EBF4: variants seen among roughly 807,000 people sequenced by gnomAD.
EBF4 encodes the protein EBF transcription factor 4.
EBF4 carries 34 observed loss-of-function variants against 67.1 expected under a neutral mutation model. The ratio of observed to expected loss-of-function variants is 0.51; its 90% CI spans 0.39 to 0.67. The LOEUF (loss-of-function observed/expected upper bound fraction) is 0.67, where lower values mean the gene tolerates loss of function less well. EBF4 is among the 30% of genes least tolerant of loss of function. EBF4 has a pLI of 0.00. For missense variants in EBF4, 837 were observed against 873.3 expected (o/e 0.96, Z 0.52); for synonymous variants, 387 against 377.7 (o/e 1.02, Z -0.29).
In EBF4 at chr20:2,739,625, A is replaced by G. The variant is rs2087940030; in HGVS notation, c.558-8924A>G. Among the ~76,000 whole-genome samples the G allele has an allele frequency of 6.6e-6, 1 of 152,140 alleles. No homozygotes were observed. Among genetic ancestry groups the G allele is most frequent in the African/African-American group, 2.4e-5 (1 of 41,418 alleles). On this transcript the variant is annotated intron_variant, in intron 6 of 16. Transcript: ENST00000609451. This position sits in a 1 kb window ranked among gnomAD's most constrained non-coding sequence, Gnocchi z 4.5. The stretch of plus-strand genomic sequence containing the variant: ...GTGGGTGTATGGAATGAATGAGGGG[A>G]TGAATGGCCCAGCCCTCTGTGTCCT...
intron 5 of EBF4, among the ~76,000 whole-genome samples, chr20:2,708,409 C>T (rs2087490318): frequency 6.6e-6 from 1 of 152,248 alleles, no homozygotes; most frequent in Non-Finnish European, 1.5e-5. Context: ...GGGCAGCTCT[C>T]TGGCAGGGCA....
Position 2,693,873 on chromosome 20 carries a change from G to T in EBF4, c.137+91G>T. 1 of 1,249,598 alleles carries T rather than the reference G, an allele frequency of 8.0e-7. No homozygotes were observed. The highest frequency in any genetic ancestry group is 1.0e-6 in the Non-Finnish European group (1 of 995,308). 77.4% of individuals were successfully genotyped at this position (1,249,598 alleles called of 1,614,324 possible). The stretch of plus-strand genomic sequence containing the variant: ...GCTGGAGCTGCTGGAGCCAGGGGCG[G>T]AAGGAGCCCTAACTCTGGACGGTCC... On this transcript the variant is annotated intron_variant, in intron 1 of 16. Transcript: ENST00000609451. The surrounding 1 kb of genome is among the most constrained non-coding windows in gnomAD (Gnocchi z 4.6).
rs1374039271 is a variant in EBF4 at position 2,747,431 on chromosome 20, G to T, written c.558-1118G>T. Among the ~76,000 whole-genome samples the T allele has an allele frequency of 6.6e-6, 1 of 152,150 alleles. No homozygotes were observed. The highest frequency in any genetic ancestry group is 2.4e-5 in the African/African-American group (1 of 41,432). On this transcript the variant is annotated intron_variant, in intron 6 of 16. Coordinates refer to ENST00000609451, the Ensembl canonical transcript of EBF4. The surrounding 1 kb of genome is among the most constrained non-coding windows in gnomAD (Gnocchi z 4.6). ...ACCCTCCCAGCCAACTGCCAGGAAG[G>T]AGAGGAGGACAAAGTGCTCATGTGT...
chr20:2,746,247 G>T (rs2088048966), intron 6 of EBF4, among the ~76,000 whole-genome samples: 1 of 152,146 alleles, frequency 6.6e-6, no homozygotes, highest in Non-Finnish European at 1.5e-5. Context: ...GTACCTCTCA[G>T]GAGCACTGAA....
At chr20:2,740,978 GCAT>G (rs1568582880) in intron 6 of EBF4, among the ~76,000 whole-genome samples, 1 of 152,110 alleles carries the variant, frequency 6.6e-6, no homozygotes, top group Non-Finnish European at 1.5e-5. Flanking sequence ...AATCAGGCAG[GCAT>G]CAACTCACTG....
Position 2,751,910 on chromosome 20 carries a change from C to G in EBF4, c.1108-12C>G. On this transcript the variant is annotated splice_polypyrimidine_tract_variant and intron_variant, in intron 11 of 16. Coordinates refer to ENST00000609451, the Ensembl canonical transcript of EBF4. This position sits in a 1 kb window ranked among gnomAD's most constrained non-coding sequence, Gnocchi z 5.2. ...TGCCCCTCCGTCCCGCTGTCTCTCC[C>G]CCTGTCCCCAGGAAGTGCTGCTGAA... 1 of 1,545,304 alleles carries G rather than the reference C, an allele frequency of 6.5e-7. No homozygotes were observed. Among genetic ancestry groups the G allele is most frequent in the South Asian group, 1.2e-5 (1 of 84,032 alleles).
intron 6 of EBF4, among the ~76,000 whole-genome samples, chr20:2,737,298 C>T (rs1452505745): frequency 6.6e-6 from 1 of 150,900 alleles, no homozygotes; most frequent in African/African-American, 2.4e-5. Flanking sequence ...AAGAGGGGGA[C>T]CGCAGGCATG....
At chr20:2,730,885 G>C (rs1409877285) in intron 6 of EBF4, among the ~76,000 whole-genome samples, 1 of 152,070 alleles carries the variant, frequency 6.6e-6, no homozygotes, top group Non-Finnish European at 1.5e-5. Context: ...CCTCCTACCA[G>C]CCTTGCTGGG....
At chr20:2,720,270 G>A (rs914911495) in intron 6 of EBF4, among the ~76,000 whole-genome samples, 5 of 152,074 alleles carry the variant, frequency 3.3e-5, no homozygotes, top group African/African-American at 1.2e-4. Flanking sequence ...CTGAATTTTT[G>A]TATTTTTGGT....
In EBF4 at chr20:2,707,894, G is replaced by A; in HGVS notation, c.415-53G>A. ...GCCAGGTCCGTCTGTGCTGCCACCT[G>A]CACCTCAGAGGAGCCTCCTTCCCCT... On this transcript the variant is annotated intron_variant, in intron 4 of 16. Transcript: ENST00000609451. The surrounding 1 kb of genome is among the most constrained non-coding windows in gnomAD (Gnocchi z 4.6). 7 of 1,507,986 alleles carry A rather than the reference G, an allele frequency of 4.6e-6. No homozygotes were observed. The highest frequency in any genetic ancestry group is 5.4e-6 in the Non-Finnish European group (6 of 1,115,976). 93.4% of individuals were successfully genotyped at this position (1,507,986 alleles called of 1,614,324 possible). A position where few individuals can be genotyped will look rare whatever the true frequency, so the allele number is the denominator to read the frequency against.
intron 6 of EBF4, among the ~76,000 whole-genome samples, chr20:2,722,030 A>T (rs2087687871): frequency 6.6e-6 from 1 of 152,038 alleles, no homozygotes; most frequent in Admixed American, 6.6e-5. Flanking sequence ...ACTTGGAACC[A>T]GTTTTGTCTT....
chr20:2,751,585 G>T lies in EBF4; in HGVS notation c.1019-115G>T. 1 of 1,054,406 alleles carries T rather than the reference G, an allele frequency of 9.5e-7. No homozygotes were observed. Among genetic ancestry groups the T allele is most frequent in the Non-Finnish European group, 1.4e-6 (1 of 709,642 alleles). 65.3% of individuals were successfully genotyped at this position (1,054,406 alleles called of 1,614,324 possible). A position where few individuals can be genotyped will look rare whatever the true frequency, so the allele number is the denominator to read the frequency against. On this transcript the variant is annotated intron_variant, in intron 10 of 16. Transcript: ENST00000609451. The surrounding 1 kb of genome is among the most constrained non-coding windows in gnomAD (Gnocchi z 5.2). ...GGACTTGGGCTGGGCCTGGTGGAGG[G>T]GGCTGCAGCGAGGCTCTCGGACTGG... is the stretch of plus-strand genomic sequence containing the variant.
intron 6 of EBF4, among the ~76,000 whole-genome samples, chr20:2,718,933 C>T (rs897493437): frequency 1.3e-5 from 2 of 152,132 alleles, no homozygotes; most frequent in Non-Finnish European, 2.9e-5. Context: ...TCCTCAAGTA[C>T]TGCTTTCGGA....
intron 1 of EBF4, among the ~76,000 whole-genome samples, chr20:2,694,859 C>T (rs936707291): frequency 1.3e-5 from 2 of 152,046 alleles, no homozygotes; most frequent in Non-Finnish European, 2.9e-5. Context: ...TCCTGGCTGT[C>T]GGGAGGGAAC....
At chr20:2,697,202 A>G (rs1354643904) in intron 1 of EBF4, among the ~76,000 whole-genome samples, 4 of 152,158 alleles carry the variant, frequency 2.6e-5, no homozygotes. Flanking sequence ...AGGCCTGCTA[A>G]GATCAGCGAG....
At chr20:2,697,500 GCGC>G (rs1568564423) in intron 1 of EBF4, among the ~76,000 whole-genome samples, 1 of 150,996 alleles carries the variant, frequency 6.6e-6, no homozygotes, top group Non-Finnish European at 1.5e-5. Flanking sequence ...AGCCGAGATC[GCGC>G]CACTGCACTC....
intron 10 of EBF4, 68 bp downstream of exon 10, chr20:2,750,041 T>A: frequency 2.0e-6 from 3 of 1,483,010 alleles, no homozygotes; most frequent in Non-Finnish European, 2.7e-6. Context: ...CGCACTGGTC[T>A]CCGTTCTTGG....
intron 6 of EBF4, among the ~76,000 whole-genome samples, chr20:2,732,845 TAA>T (rs768951438): frequency 6.6e-6 from 1 of 151,676 alleles, no homozygotes; most frequent in Non-Finnish European, 1.5e-5. Context: ...GACGGAATTA[TAA>T]AGAGTTCCCA....
chr20:2,755,926 G>A lies in EBF4; in HGVS notation c.1738+102G>A. ...TGTCCACATCTCACCAGTGCCTCAT[G>A]CTGGCTAACCTGCTCTTCTTGGAGG... is the stretch of plus-strand genomic sequence containing the variant. On this transcript the variant is annotated intron_variant, in intron 15 of 16. Coordinates refer to ENST00000609451, the Ensembl canonical transcript of EBF4. The surrounding 1 kb of genome is among the most constrained non-coding windows in gnomAD (Gnocchi z 4.7). The A allele has an allele frequency of 1.7e-6, 2 of 1,187,406 alleles. No individual in the cohort carries two copies. Among genetic ancestry groups the A allele is most frequent in the Non-Finnish European group, 2.3e-6 (2 of 862,286 alleles). The allele number at this position is 1,187,406 out of a possible 1,614,324, so 73.6% of individuals were successfully genotyped here. A position where few individuals can be genotyped will look rare whatever the true frequency, so the allele number is the denominator to read the frequency against.
Sources: gnomAD v4.1 joint callset for allele counts (sites outside exome capture counted in the v4.1 genomes callset) on GRCh38, gnomAD v4.1.1 for gene constraint, Gnocchi (gnomAD v3.1) non-coding constraint, MANE v1.5 for transcripts, NCBI Gene and HGNC (gene_info 2026-07-23, HGNC 2026-07-21) for gene names.